Variants in ZFPM2 observed in about 807,000 individuals in gnomAD.
ZFPM2 encodes the protein zinc finger protein, FOG family member 2.
A neutral mutation model predicts 98.6 loss-of-function variants in ZFPM2; 20 were observed. That is an observed-to-expected ratio of 0.20 (90% CI 0.14 to 0.29). The LOEUF (loss-of-function observed/expected upper bound fraction) is 0.29, where lower values mean the gene tolerates loss of function less well. ZFPM2 is among the 10% of genes least tolerant of loss of function. The pLI, the probability that ZFPM2 is intolerant of heterozygous loss-of-function variation, is 1.00. For missense variants in ZFPM2, 1,310 were observed against 1,388.6 expected (o/e 0.94, Z 0.90); for synonymous variants, 518 against 502.7 (o/e 1.03, Z -0.41).
intron 5 of ZFPM2, among the ~76,000 whole-genome samples, chr8:105,651,340 C>T (rs1817170448): frequency 6.6e-6 from 1 of 151,830 alleles, no homozygotes; most frequent in South Asian, 2.1e-4. Flanking sequence ...TGGTGGCGGG[C>T]ACCTGTAATC....
intron 3 of ZFPM2, among the ~76,000 whole-genome samples, chr8:105,508,850 G>GGA (rs1813755766): frequency 8.0e-6 from 1 of 124,828 alleles, no homozygotes; most frequent in Non-Finnish European, 1.6e-5. Flanking sequence ...GATTTTTTTT[G>GGA]AAAAAAAAAA....
intron 4 of ZFPM2, among the ~76,000 whole-genome samples, chr8:105,631,920 A>G (rs1276008569): frequency 6.6e-6 from 1 of 152,232 alleles, no homozygotes; most frequent in Non-Finnish European, 1.5e-5. Flanking sequence ...TTTAAGAACT[A>G]TGAAACAGGT....
chr8:105,380,634 T>TAACATATATATTA (rs1810833309), intron 1 of ZFPM2, among the ~76,000 whole-genome samples: 1 of 16,010 alleles, frequency 6.2e-5, no homozygotes, highest in Non-Finnish European at 1.1e-4. Flanking sequence ...AACATATATA[T>TAACATATATATTA]TATATATATA....
chr8:105,363,334 A>G (rs1391190537), intron 1 of ZFPM2, among the ~76,000 whole-genome samples: 1 of 152,170 alleles, frequency 6.6e-6, no homozygotes, highest in Non-Finnish European at 1.5e-5. Context: ...TGTACATTTT[A>G]CAAGATCATT....
chr8:105,454,030 ACT>A (rs1370710047), intron 3 of ZFPM2, among the ~76,000 whole-genome samples: 1 of 151,996 alleles, frequency 6.6e-6, no homozygotes, highest in Non-Finnish European at 1.5e-5. Flanking sequence ...ATTATCTAAA[ACT>A]CAATTCATTT....
intron 4 of ZFPM2, among the ~76,000 whole-genome samples, chr8:105,614,189 A>G (rs1200229060): frequency 1.3e-5 from 2 of 152,172 alleles, no homozygotes; most frequent in African/African-American, 2.4e-5. Flanking sequence ...TTATTAGACA[A>G]TAACAGAAGT....
At chr8:105,454,272 G>A (rs1193959751) in intron 3 of ZFPM2, among the ~76,000 whole-genome samples, 2 of 151,836 alleles carry the variant, frequency 1.3e-5, no homozygotes, top group Non-Finnish European at 2.9e-5. Flanking sequence ...CATCCTGGTG[G>A]TGTTGTGTAG....
chr8:105,373,066 G>A (rs1810655505), intron 1 of ZFPM2, among the ~76,000 whole-genome samples: 1 of 152,006 alleles, frequency 6.6e-6, no homozygotes, highest in Non-Finnish European at 1.5e-5. Context: ...TATCTTTAAG[G>A]ATTTGTAAAA....
At chr8:105,648,126 T>C (rs1817088680) in intron 5 of ZFPM2, among the ~76,000 whole-genome samples, 1 of 152,220 alleles carries the variant, frequency 6.6e-6, no homozygotes, top group Admixed American at 6.5e-5. Flanking sequence ...CTCTGATGGC[T>C]AGTGATGATG....
chr8:105,715,603 G>A (rs748057108), intron 5 of ZFPM2, among the ~76,000 whole-genome samples: 10 of 150,934 alleles, frequency 6.6e-5, no homozygotes, highest in Non-Finnish European at 1.2e-4. Context: ...ATTTTCTTTC[G>A]GCAGAGTCAA....
chr8:105,415,218 TGA>T, intron 1 of ZFPM2, among the ~76,000 whole-genome samples: 1 of 152,242 alleles, frequency 6.6e-6, no homozygotes, highest in East Asian at 1.9e-4. Flanking sequence ...TCATTTATTC[TGA>T]GAGACAATGA....
chr8:105,591,109 TAAAGA>T (rs893208339), intron 4 of ZFPM2, among the ~76,000 whole-genome samples: 9 of 151,840 alleles, frequency 5.9e-5, no homozygotes, highest in Non-Finnish European at 1.3e-4. Flanking sequence ...TATTCACAGA[TAAAGA>T]AAAAAAGTAA....
At chr8:105,645,450 T>A (rs550623385) in intron 5 of ZFPM2, among the ~76,000 whole-genome samples, 1 of 152,340 alleles carries the variant, frequency 6.6e-6, no homozygotes, top group Non-Finnish European at 1.5e-5. Flanking sequence ...GTTTCTTTTC[T>A]CTTGCCTATT....
At chr8:105,433,041 A>G (rs1218325962) in intron 2 of ZFPM2, among the ~76,000 whole-genome samples, 4 of 152,182 alleles carry the variant, frequency 2.6e-5, no homozygotes, top group Non-Finnish European at 5.9e-5. Context: ...TCAAGGTTAC[A>G]GTGAACTGAT....
chr8:105,641,694 CTG>C (rs1418404537), intron 5 of ZFPM2, among the ~76,000 whole-genome samples: 2 of 152,048 alleles, frequency 1.3e-5, no homozygotes, highest in Non-Finnish European at 2.9e-5. Context: ...CAATCTGAGT[CTG>C]GGTGTACTGA....
At chr8:105,623,225 C>G (rs561010695) in intron 4 of ZFPM2, among the ~76,000 whole-genome samples, 3 of 152,162 alleles carry the variant, frequency 2.0e-5, no homozygotes, top group South Asian at 2.1e-4. Flanking sequence ...GAAAATCTGC[C>G]TTCCCAAAAG....
At chr8:105,526,168 AT>A (rs1383257332) in intron 3 of ZFPM2, among the ~76,000 whole-genome samples, 3 of 152,026 alleles carry the variant, frequency 2.0e-5, no homozygotes, top group East Asian at 3.9e-4. Flanking sequence ...TTTAGGGATA[AT>A]TTTTTTCCCC....
rs191374254 is a variant in ZFPM2 at position 105,774,827 on chromosome 8, A to T, written c.533-13891A>T. Among the ~76,000 whole-genome samples the T allele has an allele frequency of 4.3e-3, 653 of 152,208 alleles. 2 individuals are homozygous for T. Among genetic ancestry groups the T allele is most frequent in the South Asian group, 0.013 (63 of 4,822 alleles). ...GGGGCAGAATTTCTTCTAAGAAAAG[A>T]ATTTCTGGCTGTTTGAACTTACTGA... On this transcript the variant is annotated intron_variant, in intron 5 of 7. Coordinates refer to ENST00000407775, the MANE Select transcript of ZFPM2 (RefSeq NM_012082.4).
intron 5 of ZFPM2, among the ~76,000 whole-genome samples, chr8:105,692,379 GT>G (rs1810907513): frequency 6.6e-6 from 1 of 152,164 alleles, no homozygotes; most frequent in Non-Finnish European, 1.5e-5. Context: ...ATATCTATAT[GT>G]AGGGGGTGCA....
Sources: gnomAD v4.1 joint callset for allele counts (sites outside exome capture counted in the v4.1 genomes callset) on GRCh38, gnomAD v4.1.1 for gene constraint, MANE v1.5 for transcripts, NCBI Gene and HGNC (gene_info 2026-07-23, HGNC 2026-07-21) for gene names.